Variants in DAB1 observed in about 807,000 individuals in gnomAD.
The protein encoded by DAB1 is DAB adaptor protein 1.
A neutral mutation model predicts 64.6 loss-of-function variants in DAB1; 15 were observed. The observed-to-expected ratio is 0.23, with a 90% CI of 0.16 to 0.36. The LOEUF (loss-of-function observed/expected upper bound fraction) is 0.36. DAB1 is among the 10% of genes least tolerant of loss of function. The pLI is 1.00. For missense variants in DAB1, 596 were observed against 706.7 expected, an observed-to-expected ratio of 0.84 and a Z score of 1.78; for synonymous variants, 235 against 251.9, an observed-to-expected ratio of 0.93 and a Z score of 0.64.
chr1:58,232,962 T>C (rs1205719174), intron 4 of DAB1, among the ~76,000 whole-genome samples: 1 of 152,236 alleles, frequency 6.6e-6, no homozygotes, highest in Non-Finnish European at 1.5e-5. Flanking sequence ...AGGTTGTTAG[T>C]GCCACCTGAA....
intron 3 of DAB1, among the ~76,000 whole-genome samples, chr1:58,438,692 T>A (rs1040237260): frequency 6.6e-5 from 10 of 152,186 alleles, no homozygotes; most frequent in African/African-American, 2.4e-4. Context: ...ATTCACATGC[T>A]CCTCAGGTGT....
intron 2 of DAB1, among the ~76,000 whole-genome samples, chr1:57,267,130 T>G (rs1308237390): frequency 6.6e-6 from 1 of 151,500 alleles, no homozygotes; most frequent in Non-Finnish European, 1.5e-5. Context: ...AGGCCTTAAG[T>G]CCAATAATAA....
At chr1:58,527,162 C>A in intron 2 of DAB1, 1 of 756,438 alleles carries the variant, frequency 1.3e-6, no homozygotes, top group Non-Finnish European at 2.4e-6. Context: ...TACAGTCCAA[C>A]TCTCATTCTC....
intron 4 of DAB1, among the ~76,000 whole-genome samples, chr1:58,284,803 T>C (rs1010906375): frequency 6.6e-6 from 1 of 152,202 alleles, no homozygotes; most frequent in Non-Finnish European, 1.5e-5. Flanking sequence ...GAAACAGCCC[T>C]CCAGTTGATG....
At chr1:58,015,435 C>T (rs1293184714) in intron 5 of DAB1, among the ~76,000 whole-genome samples, 4 of 152,070 alleles carry the variant, frequency 2.6e-5, no homozygotes, top group African/African-American at 4.8e-5. Context: ...GGCTTTTCTC[C>T]GTGGCCACAA....
intron 5 of DAB1, among the ~76,000 whole-genome samples, chr1:58,044,568 T>C (rs183274107): frequency 6.6e-6 from 1 of 152,132 alleles, no homozygotes; most frequent in Non-Finnish European, 1.5e-5. Flanking sequence ...AGAACTAATA[T>C]AATTATTGAC....
intron 7 of DAB1, among the ~76,000 whole-genome samples, chr1:57,578,185 C>A (rs1645272602): frequency 6.6e-6 from 1 of 152,194 alleles, no homozygotes; most frequent in African/African-American, 2.4e-5. Context: ...ATGGCCATAG[C>A]AGGGAGCTGT....
rs1028925132 is a variant in DAB1 at position 58,496,522 on chromosome 1, T to A, written n.257+9538A>T. ...GGTTTTGTTTTTCGTATTTCTGCTC[T>A]TTAAAGCTTATCTCACTGGGGAACA... On this transcript the variant is annotated intron_variant and non_coding_transcript_variant, in intron 3 of 20. Coordinates refer to the DAB1 transcript ENST00000485760. Among the ~76,000 whole-genome samples the A allele has an allele frequency of 2.6e-5, 4 of 152,194 alleles. 1 individual carries two copies. The highest frequency in any genetic ancestry group is 9.6e-5 in the African/African-American group (4 of 41,458).
In DAB1 at chr1:57,011,185, T is replaced by C; in HGVS notation, c.1532A>G (p.Glu511Gly). ...GCTTTTGCTGGGACTTTCAAAGCCCTCTTCAAAGATGTCATCTGTGGTAGG... is the reference window on the plus strand; with the variant it reads ...GCTTTTGCTGGGACTTTCAAAGCCCCCTTCAAAGATGTCATCTGTGGTAGG... ...SDPTTDDIFEEGFESPSKSEE... is the reference protein window; with the variant it reads ...SDPTTDDIFEGGFESPSKSEE... Residue 511 changes from glutamate (E) to glycine (G), a missense_variant, in exon 13 of 15, where the codon GAG becomes GGG. This residue lies in a region of DAB1 where 377 missense variants were observed against 400.4 expected (regional missense o/e 0.94). Transcript: ENST00000371236. 2 of 1,614,090 alleles carry C rather than the reference T, an allele frequency of 1.2e-6. No individual in the cohort carries two copies.
intron 1 of DAB1, among the ~76,000 whole-genome samples, chr1:57,852,249 A>G (rs1276302110): frequency 6.6e-6 from 1 of 152,232 alleles, no homozygotes; most frequent in African/African-American, 2.4e-5. Flanking sequence ...AGAGAGGCCA[A>G]GAAGAACTTG....
Position 57,291,141 on chromosome 1 carries a change from C to T in DAB1, c.-111G>A. On this transcript the variant is annotated 5_prime_UTR_variant, in exon 2 of 15. Coordinates refer to ENST00000371236, the MANE Select transcript of DAB1 (RefSeq NM_001365792.1). ...CCTTCAGAAATGACACTCTGAGCTGCACATTTCATTCACTCTTTTTGAGTG... is the reference window on the plus strand; with the variant it reads ...CCTTCAGAAATGACACTCTGAGCTGTACATTTCATTCACTCTTTTTGAGTG... The T allele has an allele frequency of 1.7e-6, 1 of 581,754 alleles. No homozygotes were observed. The highest frequency in any genetic ancestry group is 3.0e-5 in the South Asian group (1 of 32,888). 36.0% of individuals were successfully genotyped at this position (581,754 alleles called of 1,614,324 possible).
At chr1:57,287,313 G>T (rs1231368788) in intron 2 of DAB1, among the ~76,000 whole-genome samples, 1 of 152,058 alleles carries the variant, frequency 6.6e-6, no homozygotes, top group African/African-American at 2.4e-5. Flanking sequence ...AAGTTCAAGC[G>T]ATCCACCCAC....
chr1:57,080,588 G>C (rs1337331524), intron 4 of DAB1, among the ~76,000 whole-genome samples: 1 of 152,158 alleles, frequency 6.6e-6, no homozygotes, highest in Non-Finnish European at 1.5e-5. Flanking sequence ...TAAATATAGG[G>C]AGATGCACTA....
chr1:57,613,744 G>C (rs1454686029), intron 7 of DAB1, among the ~76,000 whole-genome samples: 3 of 152,164 alleles, frequency 2.0e-5, no homozygotes, highest in African/African-American at 7.2e-5. Context: ...TTCTACCTGT[G>C]CGAGGGCTGA....
At chr1:58,268,439 G>C (rs1487777406) in intron 4 of DAB1, among the ~76,000 whole-genome samples, 1 of 152,160 alleles carries the variant, frequency 6.6e-6, no homozygotes, top group Non-Finnish European at 1.5e-5. Context: ...GGGCAGTTAA[G>C]TGATTTCTCT....
At chr1:58,529,941 C>A (rs1251115489) in intron 1 of DAB1, among the ~76,000 whole-genome samples, 12 of 151,986 alleles carry the variant, frequency 7.9e-5, no homozygotes, top group Admixed American at 2.6e-4. Context: ...AGTGCAGTGG[C>A]GCAATCTCGG....
intron 1 of DAB1, among the ~76,000 whole-genome samples, chr1:58,545,331 G>A (rs10889101): frequency 0.65 from 98,653 of 151,918 alleles, 34,105 homozygotes; most frequent in East Asian, 0.94. Flanking sequence ...CCAACACTAC[G>A]CATATATAAT....
chr1:58,190,588 C>T (rs188263821), intron 4 of DAB1, among the ~76,000 whole-genome samples: 23 of 152,218 alleles, frequency 1.5e-4, no homozygotes, highest in African/African-American at 5.1e-4. Context: ...CATCCATTGT[C>T]TCTTTGCTGG....
intron 5 of DAB1, among the ~76,000 whole-genome samples, chr1:58,140,337 C>G (rs1439070920): frequency 1.3e-5 from 2 of 152,184 alleles, no homozygotes; most frequent in African/African-American, 4.8e-5. Context: ...TTGCAAGAGG[C>G]AGTGCTATAA....
Sources: gnomAD v4.1 joint callset for allele counts (sites outside exome capture counted in the v4.1 genomes callset) on GRCh38, gnomAD v4.1.1 for gene constraint, gnomAD v4.1.1 regional missense constraint, MANE v1.5 for transcripts, NCBI Gene and HGNC (gene_info 2026-07-23, HGNC 2026-07-21) for gene names.